Variants in HERC5 observed in about 807,000 individuals in gnomAD.
The protein encoded by HERC5 is E3 ISG15--protein ligase HERC5.
In HERC5, 99 loss-of-function variants were observed where a neutral mutation model predicts 119.6. The ratio of observed to expected loss-of-function variants is 0.83; its 90% CI spans 0.70 to 0.98. The LOEUF (loss-of-function observed/expected upper bound fraction) is 0.98. Among genes scored for constraint, HERC5 ranks in the 50% least tolerant of loss-of-function variants. The pLI is 0.00. For missense variants in HERC5, 1,267 were observed against 1,241.3 expected, an observed-to-expected ratio of 1.02 and a Z score of -0.31; for synonymous variants, 478 against 445.9, an observed-to-expected ratio of 1.07 and a Z score of -0.91.
intron 17 of HERC5, 96 bp from the exon 18 acceptor site, chr4:88,494,069 A>G (rs1741732007): frequency 5.2e-6 from 4 of 767,762 alleles, no homozygotes; most frequent in Non-Finnish European, 7.7e-6. Flanking sequence ...TTGAGATTTG[A>G]TTTTATGAAA....
At chr4:88,504,711 G>A in intron 22 of HERC5, 114 bp downstream of exon 22, 1 of 484,146 alleles carries the variant, frequency 2.1e-6, no homozygotes, top group Non-Finnish European at 3.6e-6. Context: ...GCTACGCCTA[G>A]TCCAACTGAA....
intron 11 of HERC5, among the ~76,000 whole-genome samples, chr4:88,474,458 T>G (rs1740985205): frequency 6.6e-6 from 1 of 152,130 alleles, no homozygotes; most frequent in Non-Finnish European, 1.5e-5. Flanking sequence ...GTGAGGAGGC[T>G]TGAGGTTGTG....
At position 88,506,066 on chromosome 4, in the gene HERC5, G is replaced by A. The variant is rs540011431; in HGVS notation, c.*188G>A. ...AGGGTTTACTGGCCGGTTAGAACCC[G>A]TGACTGTATTCTCTCCCTTGGATAC... On this transcript the variant is annotated 3_prime_UTR_variant, in exon 23 of 23. Transcript: ENST00000264350. The A allele has an allele frequency of 2.7e-5, 16 of 588,784 alleles. No individual in the cohort carries two copies. The highest frequency in any genetic ancestry group is 9.0e-5 in the South Asian group (4 of 44,610). 36.5% of individuals were successfully genotyped at this position (588,784 alleles called of 1,614,324 possible).
intron 3 of HERC5, 73 bp downstream of exon 3, chr4:88,460,244 T>C (rs1740379108): frequency 2.9e-6 from 2 of 693,968 alleles, no homozygotes; most frequent in Non-Finnish European, 4.9e-6. Flanking sequence ...GTAGAATGTC[T>C]ATATTTCACT....
chr4:88,497,028 A>C (rs1741813596), intron 18 of HERC5, among the ~76,000 whole-genome samples: 1 of 152,210 alleles, frequency 6.6e-6, no homozygotes, highest in Non-Finnish European at 1.5e-5. Context: ...TATTCCCTTT[A>C]GATTCAGACA....
At position 88,463,620 on chromosome 4, in the gene HERC5, A is replaced by AC; in HGVS notation, c.778dup (p.Gln260ProfsTer19). On this transcript the variant is annotated frameshift_variant, in exon 5 of 23. Coordinates refer to ENST00000264350, the MANE Select transcript of HERC5 (RefSeq NM_016323.4). LOFTEE classifies it high-confidence loss of function. ...GTGGCTCTCACAGTGCCCTACTCAC[A>AC]CAGGTGGGTGTACCCTTGTCTCTTT... 6.2e-7 allele frequency: 1 copy of AC among 1,612,322 alleles called. No individual in the cohort carries two copies. The highest frequency in any genetic ancestry group is 8.5e-7 in the Non-Finnish European group (1 of 1,178,422).
Position 88,486,232 on chromosome 4 carries a change from G to C in HERC5, c.1851+4G>C, listed in dbSNP as rs757720417. Reference sequence around the variant, plus strand: ...GTACTTGTGGAAAATGACTGTGGTAGGTATAGCATGTTTAAAGGGGGAAAT... The same window carrying C: ...GTACTTGTGGAAAATGACTGTGGTACGTATAGCATGTTTAAAGGGGGAAAT... On this transcript the variant is annotated splice_donor_region_variant and intron_variant, in intron 14 of 22. Transcript: ENST00000264350. 6.5e-7 allele frequency: 1 copy of C among 1,533,828 alleles called. No individual in the cohort carries two copies. The highest frequency in any genetic ancestry group is 2.3e-5 in the East Asian group (1 of 44,222).
rs779693650 is a variant in HERC5 at position 88,486,078 on chromosome 4, A to T, written c.1738-37A>T. The T allele has an allele frequency of 1.2e-5, 16 of 1,317,940 alleles. No homozygotes were observed. The Admixed American group carries it at 3.1e-4, about 25-fold the overall frequency. 81.6% of individuals were successfully genotyped at this position (1,317,940 alleles called of 1,614,324 possible). A position where few individuals can be genotyped will look rare whatever the true frequency, so the allele number is the denominator to read the frequency against. The stretch of plus-strand genomic sequence containing the variant: ...CAGCTATTAAGCAAAATTGTCTTTA[A>T]ATATAAAACTTTTTCACAAGTCATA... On this transcript the variant is annotated intron_variant, in intron 13 of 22. Transcript: ENST00000264350.
chr4:88,475,299 CAT>C (rs1321668400), intron 11 of HERC5, among the ~76,000 whole-genome samples: 4 of 147,932 alleles, frequency 2.7e-5, no homozygotes, highest in South Asian at 2.2e-4. Context: ...AATTCTTGCA[CAT>C]GTTTTTTTCT....
chr4:88,488,478 C>T (rs534125616), intron 15 of HERC5, among the ~76,000 whole-genome samples: 61 of 152,104 alleles, frequency 4.0e-4, no homozygotes, highest in African/African-American at 1.4e-3. Context: ...GTGATCCGCC[C>T]GCCTCAGCCT....
At chr4:88,469,839 C>T (rs1463123947) in intron 9 of HERC5, among the ~76,000 whole-genome samples, 4 of 152,228 alleles carry the variant, frequency 2.6e-5, no homozygotes, top group Non-Finnish European at 4.4e-5. Flanking sequence ...CCCATCACAA[C>T]TAGCATGTAA....
intron 7 of HERC5, chr4:88,467,911 AAC>A: frequency 1.0e-6 from 1 of 981,862 alleles, no homozygotes; most frequent in Non-Finnish European, 1.2e-6. Flanking sequence ...TAGGAAAACG[AAC>A]AGAGTTATTT....
At chr4:88,482,915 G>A (rs532138024) in intron 13 of HERC5, among the ~76,000 whole-genome samples, 6 of 152,210 alleles carry the variant, frequency 3.9e-5, no homozygotes, top group Admixed American at 3.9e-4. Flanking sequence ...ACAGGTGTGA[G>A]CCACTGCACC....
chr4:88,485,379 C>T (rs1347807924), intron 13 of HERC5, among the ~76,000 whole-genome samples: 1 of 152,098 alleles, frequency 6.6e-6, no homozygotes, highest in African/African-American at 2.4e-5. Context: ...ATCATCAGAT[C>T]CAGAGGGCCA....
chr4:88,495,769 G>A (rs144855704), intron 18 of HERC5, among the ~76,000 whole-genome samples: 15 of 151,812 alleles, frequency 9.9e-5, no homozygotes, highest in African/African-American at 3.1e-4. Context: ...AAAATCAAAA[G>A]CACAAGATTT....
Position 88,472,390 on chromosome 4 carries a change from ATTTATCT to A in HERC5, c.1299-16_1299-10del. On this transcript the variant is annotated splice_polypyrimidine_tract_variant and intron_variant, in intron 10 of 22. Coordinates refer to ENST00000264350, the MANE Select transcript of HERC5 (RefSeq NM_016323.4). ...GGGAGATAATCTAACAAAATACTTA[ATTTATCT>A]TTCTTCTACAGAAGAACTACAGAAA... 7.1e-7 allele frequency: 1 copy of A among 1,406,144 alleles called. No homozygotes were observed. Among genetic ancestry groups the A allele is most frequent in the Non-Finnish European group, 1.0e-6 (1 of 1,003,800 alleles). The allele number at this position is 1,406,144 out of a possible 1,614,324, so 87.1% of individuals were successfully genotyped here. A position where few individuals can be genotyped will look rare whatever the true frequency, so the allele number is the denominator to read the frequency against.
intron 8 of HERC5, among the ~76,000 whole-genome samples, chr4:88,468,675 C>T (rs945167174): frequency 6.6e-6 from 1 of 152,150 alleles, no homozygotes; most frequent in Non-Finnish European, 1.5e-5. Context: ...GGGCTACTTG[C>T]CAATGATGTT....
rs532356275 is a variant in HERC5, at chr4:88,472,602, G to A, written c.1392+100G>A. On this transcript the variant is annotated intron_variant, in intron 11 of 22. Transcript: ENST00000264350. ...AATGTTTTGTGTTAAGGGATTCTCC[G>A]AGACCTTGTAGCATATTCAGATTAA... 1,554 of 771,776 alleles carry A rather than the reference G, an allele frequency of 2.0e-3. 8 individuals carry two copies. Among genetic ancestry groups the A allele is most frequent in the Non-Finnish European group, 2.9e-3 (1,259 of 441,106 alleles). 47.8% of individuals were successfully genotyped at this position (771,776 alleles called of 1,614,324 possible). A position where few individuals can be genotyped will look rare whatever the true frequency, so the allele number is the denominator to read the frequency against.
intron 20 of HERC5, among the ~76,000 whole-genome samples, chr4:88,502,688 G>T (rs1178360873): frequency 6.6e-6 from 1 of 152,122 alleles, no homozygotes; most frequent in Non-Finnish European, 1.5e-5. Context: ...CACTCTAATA[G>T]TATTACTAGT....
Sources: gnomAD v4.1 joint callset for allele counts (sites outside exome capture counted in the v4.1 genomes callset) on GRCh38, gnomAD v4.1.1 for gene constraint, MANE v1.5 for transcripts, NCBI Gene and HGNC (gene_info 2026-07-23, HGNC 2026-07-21) for gene names.